The following UBR2 variants were observed in gnomAD, a reference collection of about 807,000 sequenced individuals.
UBR2 encodes the protein ubiquitin protein ligase E3 component n-recognin 2.
A neutral mutation model predicts 247.9 loss-of-function variants in UBR2; 92 were observed. The observed-to-expected ratio is 0.37, with a 90% CI of 0.31 to 0.44. UBR2 has a LOEUF of 0.44. Among genes scored for constraint, UBR2 ranks in the 20% least tolerant of loss-of-function variants. The probability of loss-of-function intolerance (pLI) is 1.00; values close to 1 mark genes in which losing one functional copy is unlikely to be tolerated. For synonymous variants in UBR2, 672 were observed against 693.5 expected, an observed-to-expected ratio of 0.97 and a Z score of 0.49; for missense variants, 1,613 against 2,112.6, an observed-to-expected ratio of 0.76 and a Z score of 4.64.
chr6:42,639,432 AAAATAAAAAAATTAG>A (rs1796291425), intron 15 of UBR2, among the ~76,000 whole-genome samples: 1 of 152,184 alleles, frequency 6.6e-6, no homozygotes, highest in Non-Finnish European at 1.5e-5. Context: ...GTCTCTACTA[AAAATAAAAAAATTAG>A]CTGGGCATGG....
At chr6:42,610,809 G>A (rs144315175) in intron 7 of UBR2, among the ~76,000 whole-genome samples, 14 of 151,516 alleles carry the variant, frequency 9.2e-5, no homozygotes, top group Admixed American at 5.3e-4. Flanking sequence ...AACTGTACAC[G>A]TAAAAATGGC....
intron 43 of UBR2, among the ~76,000 whole-genome samples, chr6:42,683,616 T>C (rs543644010): frequency 7.9e-5 from 12 of 152,368 alleles, no homozygotes; most frequent in African/African-American, 1.4e-4. Context: ...CAATTGTTAC[T>C]ATACAAGTTG....
At position 42,658,796 on chromosome 6, in the gene UBR2, G is replaced by C; in HGVS notation, c.3214G>C (p.Ala1072Pro). Residue 1072 changes from alanine to proline, a missense_variant, in exon 29 of 47, where the codon GCC (alanine) becomes CCC (proline). Coordinates refer to ENST00000372901, the MANE Select transcript of UBR2 (RefSeq NM_001363705.2). ...ELFQQTLELD[A>P]STSAVLDHSP... ...CTTTCAGCAGACATTAGAACTGGAT[G>C]CCTCAACCTCTGCTGTTCTTGATCA... 6.3e-7 allele frequency: 1 copy of C among 1,594,760 alleles called. No individual in the cohort carries two copies. The highest frequency in any genetic ancestry group is 1.4e-5 in the African/African-American group (1 of 72,280).
intron 2 of UBR2, among the ~76,000 whole-genome samples, chr6:42,577,982 TACAC>T (rs980543635): frequency 7.2e-5 from 11 of 152,178 alleles, no homozygotes; most frequent in African/African-American, 2.2e-4. Context: ...GTAATTTTGA[TACAC>T]ACACATAAGG....
intron 7 of UBR2, among the ~76,000 whole-genome samples, chr6:42,608,588 C>G (rs893638122): frequency 6.6e-6 from 1 of 152,032 alleles, no homozygotes; most frequent in African/African-American, 2.4e-5. Context: ...TTTGATTACA[C>G]GAGTACACTC....
intron 1 of UBR2, 51 bp from the exon 2 acceptor site, chr6:42,573,683 A>C: frequency 1.4e-6 from 2 of 1,432,492 alleles, no homozygotes; most frequent in Non-Finnish European, 1.8e-6. Flanking sequence ...AATTTGTTCA[A>C]ATTAGTTTGT....
At position 42,693,372 on chromosome 6, in the gene UBR2, A is replaced by G. The variant is rs527513239; in HGVS notation, c.*2199A>G. ...AATGTTTATATAACATACGCTTTCC[A>G]TATCAGGGAAAATCATATCTGTTTA... On this transcript the variant is annotated 3_prime_UTR_variant, in exon 47 of 47. Coordinates refer to ENST00000372901, the MANE Select transcript of UBR2 (RefSeq NM_001363705.2). 1 of 152,330 alleles carries G rather than the reference A, an allele frequency of 6.6e-6. No individual in the cohort carries two copies. Among genetic ancestry groups the G allele is most frequent in the East Asian group, 1.9e-4 (1 of 5,190 alleles). The allele number at this position is 152,330 out of a possible 1,614,324, so 9.4% of individuals were successfully genotyped here.
At chr6:42,688,453 G>T (rs1286920948) in intron 45 of UBR2, 67 bp downstream of exon 45, 11 of 1,567,324 alleles carry the variant, frequency 7.0e-6, no homozygotes, top group Non-Finnish European at 7.8e-6. Context: ...GGTGTCACAG[G>T]AAACTACTAT....
At position 42,614,189 on chromosome 6, in the gene UBR2, AAAAAAAAAAAAAAAAAC is replaced by A. The variant is rs1338587252; in HGVS notation, c.986-881_986-865del. Among the ~76,000 whole-genome samples, 15 of 35,822 alleles carry A rather than the reference AAAAAAAAAAAAAAAAAC, an allele frequency of 4.2e-4. 1 individual carries two copies. Among genetic ancestry groups the A allele is most frequent in the African/African-American group, 1.6e-3 (15 of 9,650 alleles). 23.5% of individuals were successfully genotyped at this position (35,822 alleles called of 152,430 possible). On this transcript the variant is annotated intron_variant, in intron 8 of 46. Transcript: ENST00000372901. ...AAGACTCTGTCTCCAAAAAAAAAAAAAAAAAAAAAAAAAAAACTATATATATATACACACACACACAC... is the reference window on the plus strand; with the variant it reads ...AAGACTCTGTCTCCAAAAAAAAAAAATATATATATATACACACACACACAC...
At chr6:42,575,029 C>G (rs1791413550) in intron 2 of UBR2, among the ~76,000 whole-genome samples, 1 of 151,850 alleles carries the variant, frequency 6.6e-6, no homozygotes, top group Admixed American at 6.6e-5. Flanking sequence ...GTATATAGGC[C>G]AAGATATATG....
intron 10 of UBR2, among the ~76,000 whole-genome samples, chr6:42,616,711 G>A (rs1266945093): frequency 6.6e-6 from 1 of 151,526 alleles, no homozygotes; most frequent in Non-Finnish European, 1.5e-5. Flanking sequence ...TTAGCAGCAT[G>A]TGCATAAGCT....
intron 21 of UBR2, among the ~76,000 whole-genome samples, chr6:42,647,417 TAAAAAAA>T (rs750938791): frequency 1.3e-4 from 13 of 102,174 alleles, no homozygotes; most frequent in Middle Eastern, 5.6e-3. Context: ...CCATCGCTAC[TAAAAAAA>T]AAAAAAAAAA....
At chr6:42,566,446 G>A (rs1006947805) in intron 1 of UBR2, among the ~76,000 whole-genome samples, 4 of 152,236 alleles carry the variant, frequency 2.6e-5, no homozygotes, top group Middle Eastern at 3.4e-3. Flanking sequence ...GTGCAATGGC[G>A]CAATCTTGGC....
chr6:42,590,578 A>G (rs1792593950), intron 2 of UBR2, among the ~76,000 whole-genome samples: 1 of 152,222 alleles, frequency 6.6e-6, no homozygotes, highest in Admixed American at 6.5e-5. Flanking sequence ...GTTTTCATAT[A>G]AAAGACACAA....
intron 23 of UBR2, among the ~76,000 whole-genome samples, chr6:42,651,239 T>A (rs2151966222): frequency 6.6e-6 from 1 of 150,736 alleles, no homozygotes; most frequent in South Asian, 2.1e-4. Context: ...AAAAAAAAAA[T>A]CTGCCTTTTA....
intron 24 of UBR2, 30 bp from the exon 25 acceptor site, chr6:42,652,461 A>G: frequency 6.3e-7 from 1 of 1,576,828 alleles, no homozygotes; most frequent in South Asian, 1.2e-5. Flanking sequence ...GTTCTGTAAA[A>G]GAAACCAATA....
intron 44 of UBR2, among the ~76,000 whole-genome samples, chr6:42,686,848 G>A (rs1426413396): frequency 3.3e-5 from 5 of 151,490 alleles, no homozygotes; most frequent in East Asian, 1.9e-4. Context: ...CTTCTCAGAC[G>A]GGGCAGCCGG....
At position 42,689,625 on chromosome 6, in the gene UBR2, C is replaced by T; in HGVS notation, c.5081C>T (p.Ser1694Phe). 1 of 1,614,108 alleles carries T rather than the reference C, an allele frequency of 6.2e-7. No homozygotes were observed. The highest frequency in any genetic ancestry group is 8.5e-7 in the Non-Finnish European group (1 of 1,179,994). ...GGCAAAACCAAAGGCTGTTTTTATT[C>T]TCCTCCTTACCTTGATGACTATGGG... ...LAGKTKGCFYSPPYLDDYGET... is the reference protein window; with the variant it reads ...LAGKTKGCFYFPPYLDDYGET... Residue 1694 changes from serine (S) to phenylalanine (F), a missense_variant, in exon 46 of 47, where the codon TCT (serine) becomes TTT (phenylalanine). Physicochemically the swap from Ser to Phe is radical, Grantham distance 155 (BLOSUM62 -2). Coordinates refer to ENST00000372901, the MANE Select transcript of UBR2 (RefSeq NM_001363705.2). The surrounding 1 kb of genome is among the most constrained non-coding windows in gnomAD (Gnocchi z 4.0).
intron 7 of UBR2, among the ~76,000 whole-genome samples, chr6:42,608,658 C>A (rs1419831708): frequency 6.6e-5 from 10 of 152,018 alleles, no homozygotes; most frequent in African/African-American, 2.4e-4. Context: ...ACAAAAAAAA[C>A]TTGCCAATCT....
Sources: gnomAD v4.1 joint callset for allele counts (sites outside exome capture counted in the v4.1 genomes callset) on GRCh38, gnomAD v4.1.1 for gene constraint, Gnocchi (gnomAD v3.1) non-coding constraint, MANE v1.5 for transcripts, NCBI Gene and HGNC (gene_info 2026-07-23, HGNC 2026-07-21) for gene names.